Variants in PID1 observed in about 807,000 individuals in gnomAD.
PID1 encodes the protein PTB-containing, cubilin and LRP1-interacting protein.
PID1 carries 10 observed loss-of-function variants against 19.1 expected under a neutral mutation model. That is an observed-to-expected ratio of 0.52 (90% confidence interval 0.32 to 0.89). The LOEUF is 0.89. Among genes scored for constraint, PID1 ranks in the 40% least tolerant of loss-of-function variants. The pLI, the probability that PID1 is intolerant of heterozygous loss-of-function variation, is 0.03. For synonymous variants in PID1, 130 were observed against 116.0 expected (o/e 1.12, Z -0.78); for missense variants, 248 against 285.3 (o/e 0.87, Z 0.94).
intron 1 of PID1, among the ~76,000 whole-genome samples, chr2:229,163,569 C>T (rs892926808): frequency 2.0e-5 from 3 of 150,410 alleles, no homozygotes; most frequent in African/African-American, 7.3e-5. Context: ...TAACTCCGTG[C>T]CCAAGGAGTA....
intron 2 of PID1, among the ~76,000 whole-genome samples, chr2:229,039,475 T>A: frequency 6.6e-6 from 1 of 152,348 alleles, no homozygotes; most frequent in African/African-American, 2.4e-5. Flanking sequence ...TTATTTAAAA[T>A]GACAGTCTTT....
chr2:229,178,346 T>C (rs1336206305), intron 1 of PID1, among the ~76,000 whole-genome samples: 2 of 152,162 alleles, frequency 1.3e-5, no homozygotes, highest in Non-Finnish European at 2.9e-5. Flanking sequence ...GGTGTGTCCC[T>C]CCTGGCAGGC....
intron 2 of PID1, among the ~76,000 whole-genome samples, chr2:229,111,656 T>G (rs145733209): frequency 4.3e-4 from 65 of 152,256 alleles, no homozygotes; most frequent in African/African-American, 1.6e-3. Flanking sequence ...AAATTGAATA[T>G]TCAGTGCCCC....
chr2:229,178,104 T>G (rs1413595349), intron 1 of PID1, among the ~76,000 whole-genome samples: 1 of 152,232 alleles, frequency 6.6e-6, no homozygotes, highest in East Asian at 1.9e-4. Context: ...GTACATCTAC[T>G]TAATAAAAAT....
At chr2:229,056,601 T>G (rs958517727) in intron 2 of PID1, among the ~76,000 whole-genome samples, 2 of 140,848 alleles carry the variant, frequency 1.4e-5, no homozygotes, top group African/African-American at 5.0e-5. Context: ...AGAATATAAA[T>G]AAATAAAAAT....
chr2:229,118,173 TCTG>T (rs1399991659), intron 2 of PID1, among the ~76,000 whole-genome samples: 1 of 152,210 alleles, frequency 6.6e-6, no homozygotes, highest in African/African-American at 2.4e-5. Context: ...TCATTATTTT[TCTG>T]CTTTCATTCT....
intron 2 of PID1, among the ~76,000 whole-genome samples, chr2:229,085,546 G>C (rs1364007255): frequency 6.6e-6 from 1 of 152,292 alleles, no homozygotes; most frequent in East Asian, 1.9e-4. Flanking sequence ...CATTTTAGAA[G>C]CTTTAGGATC....
chr2:229,128,888 G>A (rs1574651454), intron 2 of PID1, among the ~76,000 whole-genome samples: 1 of 152,150 alleles, frequency 6.6e-6, no homozygotes, highest in African/African-American at 2.4e-5. Flanking sequence ...AAAATACAGA[G>A]TGCAATTGGA....
intron 2 of PID1, among the ~76,000 whole-genome samples, chr2:229,042,647 C>A (rs549171339): frequency 6.6e-6 from 1 of 152,254 alleles, no homozygotes; most frequent in Non-Finnish European, 1.5e-5. Flanking sequence ...AAAAATAGTA[C>A]CTTTGGCAAT....
At chr2:229,196,329 A>T (rs1400798342) in intron 1 of PID1, among the ~76,000 whole-genome samples, 1 of 152,108 alleles carries the variant, frequency 6.6e-6, no homozygotes, top group Non-Finnish European at 1.5e-5. Context: ...TTTTTCAAAG[A>T]TAATCAAAGA....
At chr2:229,112,854 C>G (rs187222540) in intron 2 of PID1, among the ~76,000 whole-genome samples, 4 of 152,056 alleles carry the variant, frequency 2.6e-5, no homozygotes, top group Non-Finnish European at 5.9e-5. Context: ...TGGGGAATGA[C>G]AAAACCCTAA....
At chr2:229,142,005 GAA>G (rs5839308) in intron 2 of PID1, among the ~76,000 whole-genome samples, 3 of 149,576 alleles carry the variant, frequency 2.0e-5, no homozygotes, top group Non-Finnish European at 4.5e-5. Flanking sequence ...GGGATGTAAT[GAA>G]AAAAAAAATC....
chr2:229,099,442 G>A (rs947423488), intron 2 of PID1, among the ~76,000 whole-genome samples: 3 of 152,126 alleles, frequency 2.0e-5, no homozygotes, highest in African/African-American at 7.2e-5. Context: ...GGCACCAACA[G>A]CTTAGCTTAC....
At chr2:229,237,583 G>A (rs1022081547) in intron 1 of PID1, among the ~76,000 whole-genome samples, 1 of 152,180 alleles carries the variant, frequency 6.6e-6, no homozygotes, top group Non-Finnish European at 1.5e-5. Context: ...TATAAGTGGT[G>A]TGAGAAAAGG....
chr2:229,078,504 C>A lies in PID1; in HGVS notation c.178-52396G>T, dbSNP rs373668727. ...TTTAAAGGGAATGCTTCCAGCTTTGCCCCTTCAGTATGATATTAGCTGTGG... is the reference window on the plus strand; with the variant it reads ...TTTAAAGGGAATGCTTCCAGCTTTGACCCTTCAGTATGATATTAGCTGTGG... On this transcript the variant is annotated intron_variant, in intron 2 of 2. Transcript: ENST00000392055. Among the ~76,000 whole-genome samples, 3 of 152,254 alleles carry A rather than the reference C, an allele frequency of 2.0e-5. No homozygotes were observed. In the East Asian group the frequency reaches 5.8e-4, roughly 29 times the overall value.
At chr2:229,072,096 G>T (rs1694466337) in intron 2 of PID1, among the ~76,000 whole-genome samples, 1 of 152,042 alleles carries the variant, frequency 6.6e-6, no homozygotes, top group African/African-American at 2.4e-5. Context: ...CATTTTCAAA[G>T]GAACAATACG....
chr2:229,219,323 G>C (rs1691914386), intron 1 of PID1, among the ~76,000 whole-genome samples: 1 of 152,076 alleles, frequency 6.6e-6, no homozygotes. Flanking sequence ...TGGCAAAAGG[G>C]GCAGCAAACA....
At chr2:229,223,475 C>T (rs1443085620) in intron 1 of PID1, among the ~76,000 whole-genome samples, 3 of 152,258 alleles carry the variant, frequency 2.0e-5, no homozygotes, top group South Asian at 2.1e-4. Flanking sequence ...AATATTTTCC[C>T]GGTGTCTTTT....
At chr2:229,192,134 G>A (rs1195524763) in intron 1 of PID1, among the ~76,000 whole-genome samples, 1 of 152,102 alleles carries the variant, frequency 6.6e-6, no homozygotes, top group Admixed American at 6.6e-5. Context: ...AGAAAATGTA[G>A]GGCAATTTAC....
Sources: gnomAD v4.1 joint callset for allele counts (sites outside exome capture counted in the v4.1 genomes callset) on GRCh38, gnomAD v4.1.1 for gene constraint, MANE v1.5 for transcripts, NCBI Gene and HGNC (gene_info 2026-07-23, HGNC 2026-07-21) for gene names.